Variants in DNM3 observed in about 807,000 individuals in gnomAD.
DNM3 encodes dynamin-3.
In DNM3, 47 loss-of-function variants were observed where a neutral mutation model predicts 101.6. That is an observed-to-expected ratio of 0.46 (90% CI 0.37 to 0.59). DNM3 has a LOEUF of 0.59. Ranked by LOEUF, DNM3 falls within the 20% of genes least tolerant of loss-of-function variation. The pLI, the probability that DNM3 is intolerant of heterozygous loss-of-function variation, is 0.00. For missense variants in DNM3, 849 were observed against 1,085.7 expected (o/e 0.78, Z 3.06); for synonymous variants, 385 against 387.9 (o/e 0.99, Z 0.09).
intron 20 of DNM3, 78 bp from the exon 21 acceptor site, chr1:172,407,694 T>C (rs1573783258): frequency 2.0e-6 from 3 of 1,467,928 alleles, no homozygotes; most frequent in African/African-American, 1.4e-5. Context: ...GTGTAATGGC[T>C]CTTTCTCAGT....
rs10528447 is a variant in DNM3 at position 172,276,557 on chromosome 1, A to AGTGTGTGTG, written c.1769+22875_1769+22876insGTGTGTGTG. ...TAATAATCACAGAAAAAAAATCTTA[A>AGTGTGTGTG]TGTGTGTGTGTGTGTGTGTGTGTGT... On this transcript the variant is annotated intron_variant, in intron 15 of 20. Coordinates refer to ENST00000627582, the MANE Select transcript of DNM3 (RefSeq NM_015569.5). 2.2e-4 allele frequency among the ~76,000 whole-genome samples: 32 copies of AGTGTGTGTG among 144,364 alleles called. 1 individual carries two copies. Among genetic ancestry groups the AGTGTGTGTG allele is most frequent in the Middle Eastern group, 3.5e-3 (1 of 282 alleles). The allele number at this position is 144,364 out of a possible 152,430, so 94.7% of individuals were successfully genotyped here. A position where few individuals can be genotyped will look rare whatever the true frequency, so the allele number is the denominator to read the frequency against.
intron 15 of DNM3, among the ~76,000 whole-genome samples, chr1:172,262,988 G>C (rs895962494): frequency 6.6e-6 from 1 of 152,180 alleles, no homozygotes; most frequent in Non-Finnish European, 1.5e-5. Flanking sequence ...TTGCGGGGAG[G>C]AGGCAATTGA....
chr1:171,883,949 C>T (rs750843786), intron 1 of DNM3, among the ~76,000 whole-genome samples: 1 of 152,286 alleles, frequency 6.6e-6, no homozygotes, highest in Admixed American at 6.5e-5. Context: ...CATAATGTAT[C>T]GTCTGCTCAG....
chr1:171,908,535 G>A lies in DNM3; in HGVS notation c.162-13213G>A, dbSNP rs1056728409. On this transcript the variant is annotated intron_variant, in intron 1 of 20. Coordinates refer to ENST00000627582, the MANE Select transcript of DNM3 (RefSeq NM_015569.5). ...TTTCCCCCCTAATTTCCAAATTTCAGTATTTTAATTTTTGATGGATTGGTG... is the reference window on the plus strand; with the variant it reads ...TTTCCCCCCTAATTTCCAAATTTCAATATTTTAATTTTTGATGGATTGGTG... 1.1e-3 allele frequency among the ~76,000 whole-genome samples: 162 copies of A among 151,916 alleles called. 5 individuals carry two copies. The highest frequency in any genetic ancestry group is 0.01 in the Admixed American group (159 of 15,252).
At chr1:172,316,808 C>T (rs1187458801) in intron 16 of DNM3, among the ~76,000 whole-genome samples, 1 of 152,190 alleles carries the variant, frequency 6.6e-6, no homozygotes, top group Admixed American at 6.5e-5. Context: ...TAACACCCCA[C>T]TGTTAACATT....
At chr1:172,106,880 G>A (rs1191409410) in intron 13 of DNM3, among the ~76,000 whole-genome samples, 4 of 72,570 alleles carry the variant, frequency 5.5e-5, no homozygotes, top group African/African-American at 2.9e-4. Flanking sequence ...TTGAGACGGA[G>A]TCTCGCTCTG....
At chr1:172,294,836 T>C (rs550402308) in intron 15 of DNM3, among the ~76,000 whole-genome samples, 17 of 146,502 alleles carry the variant, frequency 1.2e-4, no homozygotes, top group African/African-American at 4.1e-4. Context: ...GGTTTGAGCC[T>C]GAAAGGTGGA....
chr1:172,210,800 A>C (rs932574113), intron 14 of DNM3, among the ~76,000 whole-genome samples: 1 of 152,138 alleles, frequency 6.6e-6, no homozygotes, highest in African/African-American at 2.4e-5. Flanking sequence ...AGGCTTCAAC[A>C]TACATCAGCA....
intron 14 of DNM3, among the ~76,000 whole-genome samples, chr1:172,183,644 A>G (rs1179874328): frequency 3.3e-5 from 5 of 152,032 alleles, no homozygotes; most frequent in Admixed American, 1.3e-4. Context: ...CCTGTCACCC[A>G]GGCTGGAGTG....
intron 2 of DNM3, among the ~76,000 whole-genome samples, chr1:171,975,204 T>C (rs1345309862): frequency 1.3e-5 from 2 of 152,266 alleles, no homozygotes; most frequent in Middle Eastern, 3.4e-3. Context: ...GGGTTGACTC[T>C]ATTGCCTGAG....
intron 4 of DNM3, among the ~76,000 whole-genome samples, chr1:172,021,438 A>T (rs963825814): frequency 5.3e-5 from 8 of 152,216 alleles, no homozygotes; most frequent in African/African-American, 1.9e-4. Flanking sequence ...GCCTGGCAAC[A>T]GAGTGAAACT....
At chr1:172,374,060 G>T (rs1473590035) in intron 17 of DNM3, among the ~76,000 whole-genome samples, 5 of 152,126 alleles carry the variant, frequency 3.3e-5, no homozygotes, top group African/African-American at 1.2e-4. Flanking sequence ...TGTACGTGTT[G>T]TCTGTATGAT....
chr1:172,105,457 T>C (rs2147905800), intron 13 of DNM3, among the ~76,000 whole-genome samples: 1 of 152,356 alleles, frequency 6.6e-6, no homozygotes, highest in East Asian at 1.9e-4. Flanking sequence ...ATATCTGGGT[T>C]ATTTGTCTTA....
chr1:172,057,658 AC>A (rs2050756551), intron 10 of DNM3, among the ~76,000 whole-genome samples: 2 of 151,626 alleles, frequency 1.3e-5, no homozygotes, highest in Non-Finnish European at 3.0e-5. Flanking sequence ...AGATTTTGTC[AC>A]CACCAGGCCT....
chr1:172,209,679 C>T (rs1298474409), intron 14 of DNM3, among the ~76,000 whole-genome samples: 1 of 152,016 alleles, frequency 6.6e-6, no homozygotes. Flanking sequence ...TCCACAACTG[C>T]AGCTCCAGAA....
intron 13 of DNM3, chr1:172,093,781 GCA>G: frequency 6.4e-7 from 1 of 1,554,564 alleles, no homozygotes; most frequent in South Asian, 1.2e-5. Flanking sequence ...CTTCCCAAGG[GCA>G]CAGTTTGTCT....
intron 4 of DNM3, 30 bp downstream of exon 4, chr1:171,989,178 A>T: frequency 6.3e-7 from 1 of 1,594,070 alleles, no homozygotes; most frequent in Non-Finnish European, 8.6e-7. Flanking sequence ...GATGAGAAGG[A>T]ATTAAAGTGT....
At chr1:171,910,859 A>AG (rs2039234809) in intron 1 of DNM3, among the ~76,000 whole-genome samples, 1 of 152,168 alleles carries the variant, frequency 6.6e-6, no homozygotes, top group Non-Finnish European at 1.5e-5. Flanking sequence ...TTTGGAAAAA[A>AG]CAGGAGGGGC....
At chr1:172,320,288 C>T (rs1046066916) in intron 16 of DNM3, among the ~76,000 whole-genome samples, 2 of 150,632 alleles carry the variant, frequency 1.3e-5, no homozygotes, top group African/African-American at 2.5e-5. Context: ...TGCTAAATGA[C>T]GAGTTAATGG....
Sources: allele counts gnomAD v4.1 joint callset (sites outside exome capture counted in the v4.1 genomes callset), GRCh38; gene constraint gnomAD v4.1.1; transcripts MANE v1.5; gene names NCBI Gene and HGNC (gene_info 2026-07-23, HGNC 2026-07-21).